SEZ6L: variants seen among roughly 807,000 people sequenced by gnomAD.
SEZ6L encodes the protein seizure related 6 homolog like.
In SEZ6L, 37 loss-of-function variants were observed where a neutral mutation model predicts 106.2. The ratio of observed to expected loss-of-function variants is 0.35; its 90% CI spans 0.27 to 0.46. The LOEUF (loss-of-function observed/expected upper bound fraction) is 0.46, where lower values mean the gene tolerates loss of function less well. Among genes scored for constraint, SEZ6L ranks in the 20% least tolerant of loss-of-function variants. SEZ6L has a pLI of 1.00. For missense variants in SEZ6L, 1,172 were observed against 1,332.8 expected, an observed-to-expected ratio of 0.88 and a Z score of 1.88; for synonymous variants, 541 against 570.4, an observed-to-expected ratio of 0.95 and a Z score of 0.73.
In SEZ6L at chr22:26,330,053, C is replaced by T. The variant is rs575108179; in HGVS notation, c.2016-10383C>T. Among the ~76,000 whole-genome samples, 3 of 152,360 alleles carry T rather than the reference C, an allele frequency of 2.0e-5. No individual in the cohort carries two copies. The South Asian group carries it at 6.2e-4, about 32-fold the overall frequency. Reference sequence around the variant, plus strand: ...ACTTAATTCCTCTGAGCCTCAGTTTCCTCATCTGGAAAATGGACATAAATT... The same window carrying T: ...ACTTAATTCCTCTGAGCCTCAGTTTTCTCATCTGGAAAATGGACATAAATT... On this transcript the variant is annotated intron_variant, in intron 9 of 16. Transcript: ENST00000248933.
At chr22:26,209,144 A>G (rs112700998) in intron 1 of SEZ6L, among the ~76,000 whole-genome samples, 91 of 152,100 alleles carry the variant, frequency 6.0e-4, no homozygotes, top group African/African-American at 2.1e-3. Context: ...CATTGATTTC[A>G]ACTATGTCTT....
intron 15 of SEZ6L, among the ~76,000 whole-genome samples, chr22:26,376,053 TC>T (rs1292624167): frequency 1.3e-5 from 2 of 152,180 alleles, no homozygotes; most frequent in Non-Finnish European, 2.9e-5. Context: ...TCAGACATTG[TC>T]CCAGGTGTTG....
chr22:26,265,630 C>A (rs2080151844), intron 1 of SEZ6L, among the ~76,000 whole-genome samples: 1 of 152,178 alleles, frequency 6.6e-6, no homozygotes, highest in Non-Finnish European at 1.5e-5. Flanking sequence ...TATCCATCTT[C>A]TTTAGAGCTA....
chr22:26,229,975 G>A (rs1296563059), intron 1 of SEZ6L, among the ~76,000 whole-genome samples: 1 of 152,242 alleles, frequency 6.6e-6, no homozygotes, highest in African/African-American at 2.4e-5. Context: ...CCCTGGAATT[G>A]TTCTTAATGC....
rs570924475 is a variant in SEZ6L, at chr22:26,315,362, C to A, written c.2015+1460C>A. 6.6e-5 allele frequency among the ~76,000 whole-genome samples: 10 copies of A among 152,182 alleles called. No homozygotes were observed. In the South Asian group the frequency reaches 2.1e-3, roughly 32 times the overall value. ...GATGTGGTGGCACACGCCTGTGGTA[C>A]CAGCTACTTGGGAGGCTGAGATGGG... is the stretch of plus-strand genomic sequence containing the variant. On this transcript the variant is annotated intron_variant, in intron 9 of 16. Coordinates refer to ENST00000248933, the MANE Select transcript of SEZ6L (RefSeq NM_021115.5).
intron 1 of SEZ6L, among the ~76,000 whole-genome samples, chr22:26,228,656 G>A (rs898175183): frequency 6.6e-5 from 10 of 152,180 alleles, no homozygotes; most frequent in Admixed American, 2.6e-4. Flanking sequence ...ATGAATGGTA[G>A]TTGCCACTTA....
At chr22:26,236,860 C>T (rs1040031275) in intron 1 of SEZ6L, among the ~76,000 whole-genome samples, 2 of 152,174 alleles carry the variant, frequency 1.3e-5, no homozygotes, top group African/African-American at 4.8e-5. Context: ...AGCCTCTCCT[C>T]TGCCTTCTGT....
chr22:26,215,805 A>C (rs1259286685), intron 1 of SEZ6L, among the ~76,000 whole-genome samples: 1 of 152,190 alleles, frequency 6.6e-6, no homozygotes, highest in Non-Finnish European at 1.5e-5. Flanking sequence ...CTCTGGGAAG[A>C]AGGGCCATTC....
chr22:26,185,385 G>T (rs1411467252), intron 1 of SEZ6L, among the ~76,000 whole-genome samples: 1 of 152,202 alleles, frequency 6.6e-6, no homozygotes, highest in African/African-American at 2.4e-5. Context: ...AAAATATGCT[G>T]TGTGACCTTG....
intron 9 of SEZ6L, among the ~76,000 whole-genome samples, chr22:26,327,671 G>A (rs2082361799): frequency 7.0e-6 from 1 of 143,574 alleles, no homozygotes; most frequent in East Asian, 2.1e-4. Flanking sequence ...CACACCACAT[G>A]ACACTACACA....
chr22:26,338,791 C>T (rs1230205774), intron 9 of SEZ6L, among the ~76,000 whole-genome samples: 3 of 150,314 alleles, frequency 2.0e-5, no homozygotes, highest in African/African-American at 4.9e-5. Context: ...TTCTTGACCT[C>T]GTGATCCTCC....
At chr22:26,262,244 T>TATCTATC (rs2080034165) in intron 1 of SEZ6L, among the ~76,000 whole-genome samples, 1 of 144,290 alleles carries the variant, frequency 6.9e-6, no homozygotes, top group Admixed American at 7.1e-5. Flanking sequence ...TTGATATATT[T>TATCTATC]TATCTATCTA....
chr22:26,275,877 C>T (rs982324537), intron 1 of SEZ6L, among the ~76,000 whole-genome samples: 3 of 152,178 alleles, frequency 2.0e-5, no homozygotes, highest in Non-Finnish European at 4.4e-5. Context: ...AGATCCCCTG[C>T]TGATTTGTTT....
chr22:26,319,737 T>C (rs2082103651), intron 9 of SEZ6L, among the ~76,000 whole-genome samples: 1 of 152,232 alleles, frequency 6.6e-6, no homozygotes, highest in African/African-American at 2.4e-5. Flanking sequence ...CCACCTGGAA[T>C]GTCACCTCCA....
At chr22:26,251,188 A>C (rs2079565955) in intron 1 of SEZ6L, among the ~76,000 whole-genome samples, 1 of 152,136 alleles carries the variant, frequency 6.6e-6, no homozygotes, top group Admixed American at 6.5e-5. Context: ...GTTTAATAGG[A>C]GTGGTGAGAG....
At chr22:26,326,337 C>T (rs2082305205) in intron 9 of SEZ6L, among the ~76,000 whole-genome samples, 1 of 152,148 alleles carries the variant, frequency 6.6e-6, no homozygotes, top group Admixed American at 6.5e-5. Context: ...ATGCGCTGTC[C>T]TCCTGAACTT....
chr22:26,309,842 C>G (rs634761), intron 6 of SEZ6L, among the ~76,000 whole-genome samples: 39,036 of 151,868 alleles, frequency 0.26, 5,474 homozygotes, highest in African/African-American at 0.33. Flanking sequence ...GCCTCCCAAA[C>G]TGCTGAGATT....
At chr22:26,175,923 A>G (rs2123765058) in intron 1 of SEZ6L, among the ~76,000 whole-genome samples, 1 of 152,344 alleles carries the variant, frequency 6.6e-6, no homozygotes, top group South Asian at 2.1e-4. Flanking sequence ...CTTTGCACAT[A>G]CCAAGAAATC....
At chr22:26,337,103 C>T (rs2082670085) in intron 9 of SEZ6L, among the ~76,000 whole-genome samples, 2 of 152,094 alleles carry the variant, frequency 1.3e-5, no homozygotes, top group Non-Finnish European at 2.9e-5. Context: ...ATCCCCAGAG[C>T]TCATGACATA....
Sources: gnomAD v4.1 joint callset for allele counts (sites outside exome capture counted in the v4.1 genomes callset) on GRCh38, gnomAD v4.1.1 for gene constraint, MANE v1.5 for transcripts, NCBI Gene and HGNC (gene_info 2026-07-23, HGNC 2026-07-21) for gene names.